The following PRSS23 variants were observed in gnomAD, a reference collection of about 807,000 sequenced individuals.
PRSS23 encodes the protein serine protease 23.
In PRSS23, 25 loss-of-function variants were observed where a neutral mutation model predicts 34.7. The ratio of observed to expected loss-of-function variants is 0.72; its 90% CI spans 0.53 to 1.01. The LOEUF is 1.01. Ranked by LOEUF, PRSS23 falls within the 50% of genes least tolerant of loss-of-function variation. The pLI is 0.00. For missense variants in PRSS23, 445 were observed against 475.6 expected, an observed-to-expected ratio of 0.94 and a Z score of 0.60; for synonymous variants, 176 against 186.6, an observed-to-expected ratio of 0.94 and a Z score of 0.46.
At chr11:86,835,877 A>G (rs1793805606) in intron 2 of PRSS23, among the ~76,000 whole-genome samples, 1 of 152,176 alleles carries the variant, frequency 6.6e-6, no homozygotes, top group Non-Finnish European at 1.5e-5. Context: ...TCATCCACGT[A>G]CCGAAGGACA....
intron 2 of PRSS23, among the ~76,000 whole-genome samples, chr11:86,863,237 T>C (rs553428806): frequency 2.0e-5 from 3 of 152,322 alleles, no homozygotes; most frequent in African/African-American, 7.2e-5. Flanking sequence ...GTGTTCACCC[T>C]GTTATATTAT....
At chr11:86,855,744 G>A (rs560058733) in intron 2 of PRSS23, among the ~76,000 whole-genome samples, 77 of 152,262 alleles carry the variant, frequency 5.1e-4, no homozygotes, top group East Asian at 1.2e-3. Context: ...CAAGTGATCC[G>A]TCTGATCTGG....
At chr11:86,814,514 G>C (rs971270453), downstream of PRSS23, among the ~76,000 whole-genome samples, 2 of 152,210 alleles carry the variant, frequency 1.3e-5, no homozygotes, top group African/African-American at 4.8e-5. Flanking sequence ...GACAAGATCA[G>C]ATTGTGCTTC....
chr11:86,916,242 C>T (rs1949012059), intron 2 of PRSS23, among the ~76,000 whole-genome samples: 1 of 151,884 alleles, frequency 6.6e-6, no homozygotes, highest in Non-Finnish European at 1.5e-5. Context: ...CAAAAAAAAC[C>T]CATAAACACG....
chr11:86,941,787 C>T (rs1949208936), intron 2 of PRSS23, among the ~76,000 whole-genome samples: 1 of 152,140 alleles, frequency 6.6e-6, no homozygotes, highest in East Asian at 1.9e-4. Flanking sequence ...GGGCTAGTGC[C>T]CTAGTATCTT....
chr11:86,834,023 C>G (rs1405624253), intron 2 of PRSS23, among the ~76,000 whole-genome samples: 2 of 152,072 alleles, frequency 1.3e-5, no homozygotes, highest in African/African-American at 2.4e-5. Context: ...ATCTGGGGCT[C>G]CATTTGAAGA....
At chr11:86,798,428 G>A (rs113011264), upstream of PRSS23, among the ~76,000 whole-genome samples, 273 of 152,274 alleles carry the variant, frequency 1.8e-3, 2 homozygotes, top group African/African-American at 6.0e-3. Context: ...CATATGGTGT[G>A]GGCAAAGGAG....
intron 1 of PRSS23, among the ~76,000 whole-genome samples, chr11:86,793,675 G>T (rs973025446): frequency 1.1e-4 from 17 of 152,040 alleles, no homozygotes; most frequent in African/African-American, 4.1e-4. Context: ...CCTAGTGGCT[G>T]GCAAGCTAAA....
chr11:86,792,468 A>G (rs541150818), intron 1 of PRSS23, among the ~76,000 whole-genome samples: 3 of 152,262 alleles, frequency 2.0e-5, no homozygotes, highest in African/African-American at 7.2e-5. Context: ...CTTCACCTCC[A>G]TAAGTAGCCA....
intron 2 of PRSS23, among the ~76,000 whole-genome samples, chr11:86,917,912 C>T (rs536388449): frequency 2.6e-5 from 4 of 152,252 alleles, no homozygotes; most frequent in African/African-American, 9.6e-5. Flanking sequence ...AATTCCCTGG[C>T]CACAAAAAAT....
At chr11:86,821,590 A>T (rs1948252299) in intron 1 of PRSS23, 1 of 1,602,094 alleles carries the variant, frequency 6.2e-7, no homozygotes, top group African/African-American at 1.3e-5. Context: ...CGTTTAGCTC[A>T]AGACAGAATT....
chr11:86,859,986 G>A (rs904437835), intron 2 of PRSS23, among the ~76,000 whole-genome samples: 1 of 151,840 alleles, frequency 6.6e-6, no homozygotes, highest in Non-Finnish European at 1.5e-5. Context: ...TATCGCTGGT[G>A]GTGTATACCC....
chr11:86,836,732 T>C (rs1236941497), intron 2 of PRSS23: 1 of 152,132 alleles, frequency 6.6e-6, no homozygotes, highest in Non-Finnish European at 1.5e-5. Flanking sequence ...CAGGAGACAA[T>C]TAACCTCCTG....
intron 1 of PRSS23, among the ~76,000 whole-genome samples, chr11:86,820,865 A>G (rs1452527899): frequency 1.3e-5 from 2 of 152,202 alleles, no homozygotes; most frequent in Admixed American, 1.3e-4. Context: ...ATTGTTTAGC[A>G]GCAATTTTAC....
chr11:86,874,131 T>C (rs949136028), intron 2 of PRSS23, among the ~76,000 whole-genome samples: 3 of 152,110 alleles, frequency 2.0e-5, no homozygotes, highest in Non-Finnish European at 4.4e-5. Context: ...AGGGGAAAGG[T>C]TGGGTGGAAG....
At chr11:86,791,759 A>T (rs1947953221) in intron 1 of PRSS23, among the ~76,000 whole-genome samples, 1 of 152,094 alleles carries the variant, frequency 6.6e-6, no homozygotes, top group Admixed American at 6.6e-5. Context: ...CTTCCCTGTG[A>T]CCTCTGTTCA....
intron 2 of PRSS23, among the ~76,000 whole-genome samples, chr11:86,871,569 C>T (rs1489447920): frequency 6.6e-6 from 1 of 152,232 alleles, no homozygotes; most frequent in African/African-American, 2.4e-5. Flanking sequence ...ATTTCTTCCA[C>T]TCAGCAAAAC....
intron 2 of PRSS23, among the ~76,000 whole-genome samples, chr11:86,842,089 C>T (rs34164281): frequency 0.06 from 9,074 of 152,282 alleles, 340 homozygotes; most frequent in Middle Eastern, 0.092. Context: ...CCACCACTAT[C>T]AAGTCAGCTT....
intron 2 of PRSS23, among the ~76,000 whole-genome samples, chr11:86,925,938 A>G (rs1002925353): frequency 3.3e-5 from 5 of 152,186 alleles, no homozygotes; most frequent in Non-Finnish European, 7.3e-5. Context: ...GTCATATTCA[A>G]ACTGAAAATG....
Sources: allele counts gnomAD v4.1 joint callset (sites outside exome capture counted in the v4.1 genomes callset), GRCh38; gene constraint gnomAD v4.1.1; transcripts MANE v1.5; gene names NCBI Gene and HGNC (gene_info 2026-07-23, HGNC 2026-07-21).